SUSD4: variants seen among roughly 807,000 people sequenced by gnomAD.
SUSD4 encodes sushi domain-containing protein 4.
SUSD4 carries 41 observed loss-of-function variants against 50.5 expected under a neutral mutation model. The observed-to-expected ratio is 0.81, with a 90% confidence interval of 0.63 to 1.05. The LOEUF (loss-of-function observed/expected upper bound fraction) is 1.05, where lower values mean the gene tolerates loss of function less well. SUSD4 is among the 50% of genes least tolerant of loss of function. The pLI, the probability that SUSD4 is intolerant of heterozygous loss-of-function variation, is 0.00. For missense variants in SUSD4, 580 were observed against 634.7 expected (o/e 0.91, Z 0.93); for synonymous variants, 257 against 257.3 (o/e 1.00, Z 0.01).
At position 223,239,318 on chromosome 1, in the gene SUSD4, A is replaced by G. The variant is rs141711123; in HGVS notation, c.725-9930T>C. Among the ~76,000 whole-genome samples the G allele has an allele frequency of 3.9e-4, 60 of 152,172 alleles. 1 individual carries two copies. The highest frequency in any genetic ancestry group is 1.4e-3 in the African/African-American group (60 of 41,578). ...ACCATCTCTGTCTTTTAATCGGTGC[A>G]TTTAGACCACTGACATTCAAAGTGG... On this transcript the variant is annotated intron_variant, in intron 5 of 8. Coordinates refer to ENST00000366878, the MANE Select transcript of SUSD4 (RefSeq NM_017982.4).
chr1:223,227,632 C>G lies in SUSD4; in HGVS notation c.1023G>C (p.Arg341Ser), dbSNP rs1558162465. ...LLVLLLVILA[R>S]MFQTKFKAHF... is the part of the protein sequence containing the mutation. ...GGGCCTTGAACTTGGTCTGGAACATCCTGGCCAGGATGACGAGCAGCAGCA... is the reference window on the plus strand; with the variant it reads ...GGGCCTTGAACTTGGTCTGGAACATGCTGGCCAGGATGACGAGCAGCAGCA... Residue 341 changes from arginine to serine, a missense_variant, in exon 7 of 9, where the codon AGG becomes AGC. Arg to Ser is a moderately radical substitution (Grantham distance 110). Coordinates refer to ENST00000366878, the MANE Select transcript of SUSD4 (RefSeq NM_017982.4). This position sits in a 1 kb window ranked among gnomAD's most constrained non-coding sequence, Gnocchi z 4.5. 1.9e-6 allele frequency: 3 copies of G among 1,613,926 alleles called. No individual in the cohort carries two copies. Among genetic ancestry groups the G allele is most frequent in the East Asian group, 2.2e-5 (1 of 44,848 alleles).
In SUSD4 at chr1:223,266,403, C is replaced by T. The variant is rs561140900; in HGVS notation, c.536-1585G>A. ...AAAAAGAGAAGCACATTAACGTGAACAAGTGAGTGCCTTAGAACCCTTAAG... is the reference window on the plus strand; with the variant it reads ...AAAAAGAGAAGCACATTAACGTGAATAAGTGAGTGCCTTAGAACCCTTAAG... On this transcript the variant is annotated intron_variant, in intron 4 of 8. Coordinates refer to ENST00000366878, the MANE Select transcript of SUSD4 (RefSeq NM_017982.4). Among the ~76,000 whole-genome samples, 9 of 152,266 alleles carry T rather than the reference C, an allele frequency of 5.9e-5. No homozygotes were observed. In the South Asian group the frequency reaches 1.7e-3, roughly 28 times the overall value.
At chr1:223,263,523 G>T in intron 5 of SUSD4, 1 of 982,402 alleles carries the variant, frequency 1.0e-6, no homozygotes, top group Non-Finnish European at 1.2e-6. Flanking sequence ...ATTTGCGATG[G>T]GTGGGAAGTG....
intron 5 of SUSD4, among the ~76,000 whole-genome samples, chr1:223,259,908 G>A (rs1558189835): frequency 6.6e-6 from 1 of 152,096 alleles, no homozygotes; most frequent in East Asian, 1.9e-4. Context: ...CGTCTATACC[G>A]ATGAGCTCCA....
intron 2 of SUSD4, among the ~76,000 whole-genome samples, chr1:223,319,701 T>C (rs1218528876): frequency 6.6e-6 from 1 of 152,232 alleles, no homozygotes; most frequent in Non-Finnish European, 1.5e-5. Context: ...GACCAGCTTC[T>C]TTTCTGGGGG....
Position 223,264,627 on chromosome 1 carries a change from T to C in SUSD4, c.724+3A>G, listed in dbSNP as rs756009930. ...CAACTTCCGAAAGAATGAGATGTGT[T>C]ACCTTCCAGAGCAAGGCACCGGGGT... is the stretch of plus-strand genomic sequence containing the variant. On this transcript the variant is annotated splice_donor_region_variant and intron_variant, in intron 5 of 8. Coordinates refer to ENST00000366878, the MANE Select transcript of SUSD4 (RefSeq NM_017982.4). 30 of 1,613,836 alleles carry C rather than the reference T, an allele frequency of 1.9e-5. No homozygotes were observed. Among genetic ancestry groups the C allele is most frequent in the Non-Finnish European group, 2.4e-5 (28 of 1,179,858 alleles).
rs938761700 is a variant in SUSD4 at position 223,313,248 on chromosome 1, G to A, written c.149-20597C>T. Among the ~76,000 whole-genome samples, 8 of 152,222 alleles carry A rather than the reference G, an allele frequency of 5.3e-5. No homozygotes were observed. The East Asian group carries it at 9.7e-4, about 18-fold the overall frequency. ...GTCTGACCTCTGACAAGGAGAGGGG[G>A]CATGCAGATTGAGTCCAACCACGTG... On this transcript the variant is annotated intron_variant, in intron 2 of 8. Transcript: ENST00000366878.
chr1:223,280,068 C>A lies in SUSD4; in HGVS notation c.362-11393G>T, dbSNP rs555610281. On this transcript the variant is annotated intron_variant, in intron 3 of 8. Coordinates refer to ENST00000366878, the MANE Select transcript of SUSD4 (RefSeq NM_017982.4). The stretch of plus-strand genomic sequence containing the variant: ...TTTTGTCACCACCAGGCCTGCCCTA[C>A]AAGAGCTCCTGAAGGAAGCACTAAA... Among the ~76,000 whole-genome samples, 253 of 152,262 alleles carry A rather than the reference C, an allele frequency of 1.7e-3. 1 individual carries two copies. The highest frequency in any genetic ancestry group is 2.3e-3 in the Non-Finnish European group (154 of 68,024).
intron 2 of SUSD4, among the ~76,000 whole-genome samples, chr1:223,300,468 TAAG>T (rs1020834071): frequency 2.0e-5 from 3 of 152,154 alleles, no homozygotes; most frequent in Non-Finnish European, 4.4e-5. Context: ...GTGAGCAACA[TAAG>T]AAGTCTTTAA....
intron 5 of SUSD4, among the ~76,000 whole-genome samples, chr1:223,235,482 T>C (rs930715277): frequency 2.0e-5 from 3 of 152,140 alleles, no homozygotes; most frequent in South Asian, 4.1e-4. Flanking sequence ...GGTAGTTTCA[T>C]TGCCCCCCCA....
Position 223,227,839 on chromosome 1 carries a change from TG to T in SUSD4, c.917-102del. ...TGCTGGATTCATCTGGCACAAGAGA[TG>T]CGTGCAAGGTGCCTCTGACCCCCAG... On this transcript the variant is annotated intron_variant, in intron 6 of 8. Coordinates refer to ENST00000366878, the MANE Select transcript of SUSD4 (RefSeq NM_017982.4). This position sits in a 1 kb window ranked among gnomAD's most constrained non-coding sequence, Gnocchi z 4.5. 6.9e-7 allele frequency: 1 copy of T among 1,450,646 alleles called. No individual in the cohort carries two copies. The highest frequency in any genetic ancestry group is 9.3e-7 in the Non-Finnish European group (1 of 1,076,904). The allele number at this position is 1,450,646 out of a possible 1,614,324, so 89.9% of individuals were successfully genotyped here. A position where few individuals can be genotyped will look rare whatever the true frequency, so the allele number is the denominator to read the frequency against.
intron 2 of SUSD4, among the ~76,000 whole-genome samples, chr1:223,343,507 T>C (rs1159478949): frequency 6.6e-6 from 1 of 152,210 alleles, no homozygotes; most frequent in Non-Finnish European, 1.5e-5. Context: ...TGAGTTACAA[T>C]GATGCTCTAA....
chr1:223,280,828 T>C (rs1663665940), intron 3 of SUSD4, among the ~76,000 whole-genome samples: 1 of 152,172 alleles, frequency 6.6e-6, no homozygotes, highest in South Asian at 2.1e-4. Flanking sequence ...ATTCACCACA[T>C]AGTTGGAAGT....
intron 2 of SUSD4, among the ~76,000 whole-genome samples, chr1:223,353,723 C>T (rs563048552): frequency 2.0e-5 from 3 of 152,172 alleles, no homozygotes; most frequent in East Asian, 3.9e-4. Flanking sequence ...TTTAAAATCC[C>T]GGTGCCCCAG....
chr1:223,361,048 G>A (rs374628295), intron 2 of SUSD4, among the ~76,000 whole-genome samples: 3 of 152,148 alleles, frequency 2.0e-5, no homozygotes, highest in Non-Finnish European at 4.4e-5. Flanking sequence ...TAGAAATGCC[G>A]AGTCTCAGGC....
chr1:223,247,519 C>A (rs1661021991), intron 5 of SUSD4, among the ~76,000 whole-genome samples: 1 of 152,150 alleles, frequency 6.6e-6, no homozygotes, highest in African/African-American at 2.4e-5. Context: ...TTTTGGTAAC[C>A]TTCTTACAGC....
At chr1:223,320,209 A>G (rs532200624) in intron 2 of SUSD4, among the ~76,000 whole-genome samples, 1 of 152,318 alleles carries the variant, frequency 6.6e-6, no homozygotes, top group Admixed American at 6.5e-5. Flanking sequence ...AGAAAAAGCA[A>G]CTTTTACCTC....
At chr1:223,329,414 G>A (rs1667053053) in intron 2 of SUSD4, among the ~76,000 whole-genome samples, 1 of 152,152 alleles carries the variant, frequency 6.6e-6, no homozygotes, top group African/African-American at 2.4e-5. Flanking sequence ...CCCCATATGT[G>A]CACTCTCTAA....
chr1:223,225,910 G>T (rs552638544), intron 7 of SUSD4, among the ~76,000 whole-genome samples: 2 of 152,286 alleles, frequency 1.3e-5, no homozygotes, highest in South Asian at 4.1e-4. Context: ...TTGCCCTTGA[G>T]ATTCTTGTCA....
Sources: allele counts gnomAD v4.1 joint callset (sites outside exome capture counted in the v4.1 genomes callset), GRCh38; gene constraint gnomAD v4.1.1; non-coding constraint Gnocchi (gnomAD v3.1); transcripts MANE v1.5; gene names NCBI Gene and HGNC (gene_info 2026-07-23, HGNC 2026-07-21).